The following STAG1 variants were observed in gnomAD, a reference collection of about 807,000 sequenced individuals.
STAG1 encodes STAG1 cohesin complex component, also known as cohesin subunit SA-1.
In STAG1, 26 loss-of-function variants were observed where a neutral mutation model predicts 170.9. The observed-to-expected ratio is 0.15, with a 90% CI of 0.11 to 0.21. The LOEUF (loss-of-function observed/expected upper bound fraction) is 0.21. Among genes scored for constraint, STAG1 ranks in the 10% least tolerant of loss-of-function variants. STAG1 has a pLI of 1.00. For synonymous variants in STAG1, 514 were observed against 497.7 expected (o/e 1.03, Z -0.44); for missense variants, 964 against 1,509.5 (o/e 0.64, Z 5.99).
chr3:136,742,621 A>G (rs1017792924), intron 1 of STAG1, among the ~76,000 whole-genome samples: 3 of 151,928 alleles, frequency 2.0e-5, no homozygotes, highest in African/African-American at 7.3e-5. Context: ...AGACTGAGAC[A>G]GGAGAATCAC....
intron 1 of STAG1, among the ~76,000 whole-genome samples, chr3:136,681,447 G>A (rs555175182): frequency 1.3e-5 from 2 of 152,122 alleles, no homozygotes; most frequent in South Asian, 2.1e-4. Flanking sequence ...AGCCTTGGGG[G>A]AAAAATACAC....
chr3:136,572,601 CAA>C (rs11379268), intron 4 of STAG1, among the ~76,000 whole-genome samples: 4 of 66,678 alleles, frequency 6.0e-5, no homozygotes, highest in East Asian at 8.8e-4. Flanking sequence ...AAGACTGTCT[CAA>C]AAAAAAAAAA....
intron 7 of STAG1, among the ~76,000 whole-genome samples, chr3:136,515,270 C>T (rs1009753614): frequency 6.6e-6 from 1 of 152,188 alleles, no homozygotes; most frequent in East Asian, 1.9e-4. Flanking sequence ...GAGGCTGAGG[C>T]AAGAGAATCA....
chr3:136,619,054 C>T (rs115953473), intron 3 of STAG1, among the ~76,000 whole-genome samples: 218 of 151,900 alleles, frequency 1.4e-3, no homozygotes, highest in African/African-American at 4.9e-3. Context: ...GAGGAGAAGA[C>T]AGAAGCAAAG....
chr3:136,339,840 T>C (rs532627304), intron 32 of STAG1, among the ~76,000 whole-genome samples: 4 of 152,170 alleles, frequency 2.6e-5, no homozygotes, highest in Non-Finnish European at 5.9e-5. Flanking sequence ...ATCTCAAACA[T>C]GTCTTCTCAT....
intron 20 of STAG1, among the ~76,000 whole-genome samples, chr3:136,418,250 C>T (rs1042876049): frequency 1.3e-5 from 2 of 150,962 alleles, no homozygotes; most frequent in Non-Finnish European, 2.9e-5. Flanking sequence ...GTCCCAGCTA[C>T]TCGGGAGGCT....
At chr3:136,572,304 G>GTAAA (rs1327710909) in intron 4 of STAG1, among the ~76,000 whole-genome samples, 2 of 151,906 alleles carry the variant, frequency 1.3e-5, no homozygotes, top group African/African-American at 4.8e-5. Flanking sequence ...TAGTAAAATA[G>GTAAA]TAAACAAGGC....
rs775302430 is a variant in STAG1 at position 136,421,119 on chromosome 3, T to C, written c.2082A>G (p.Thr694=). Residue 694 remains threonine, a synonymous_variant, in exon 20 of 34, where the codon ACA becomes ACG. Coordinates refer to ENST00000383202, the MANE Select transcript of STAG1 (RefSeq NM_005862.3). ...DDDDIYNVLS[T]LKRLTSFHNA... is the part of the protein sequence containing the mutation. Reference sequence around the variant, plus strand: ...TGTGAAAAGAAGTTAACCGCTTTAATGTAGAAAGAACATTGTAAATGTCAT... The same window carrying C: ...TGTGAAAAGAAGTTAACCGCTTTAACGTAGAAAGAACATTGTAAATGTCAT... 1.9e-6 allele frequency: 3 copies of C among 1,606,518 alleles called. No homozygotes were observed. Among genetic ancestry groups the C allele is most frequent in the South Asian group, 2.2e-5 (2 of 89,484 alleles).
At chr3:136,533,108 T>C (rs1228131168) in intron 6 of STAG1, among the ~76,000 whole-genome samples, 9 of 152,106 alleles carry the variant, frequency 5.9e-5, no homozygotes, top group Non-Finnish European at 8.8e-5. Context: ...GGTTTCTATA[T>C]ACCATTAATA....
intron 23 of STAG1, among the ~76,000 whole-genome samples, chr3:136,373,006 A>C (rs1389174339): frequency 6.6e-6 from 1 of 152,150 alleles, no homozygotes. Context: ...TAAGCTATTA[A>C]TTATTGCCTC....
chr3:136,719,677 G>GGGTA (rs1933105895), intron 1 of STAG1, among the ~76,000 whole-genome samples: 1 of 88,730 alleles, frequency 1.1e-5, no homozygotes, highest in Admixed American at 1.5e-4. Context: ...GTGGGTGGGT[G>GGGTA]GGTGGGTGGG....
chr3:136,585,367 G>A (rs71336066), intron 4 of STAG1, among the ~76,000 whole-genome samples: 3 of 152,026 alleles, frequency 2.0e-5, no homozygotes, highest in South Asian at 2.1e-4. Context: ...GTTGGAACCC[G>A]GGAGGCGGAG....
At chr3:136,510,020 T>G (rs979668710) in intron 7 of STAG1, among the ~76,000 whole-genome samples, 20 of 152,328 alleles carry the variant, frequency 1.3e-4, no homozygotes, top group African/African-American at 4.8e-4. Context: ...TGACATAGAT[T>G]TAACAAATCC....
At chr3:136,738,349 G>A (rs1206342751) in intron 1 of STAG1, among the ~76,000 whole-genome samples, 2 of 152,096 alleles carry the variant, frequency 1.3e-5, no homozygotes, top group Non-Finnish European at 2.9e-5. Flanking sequence ...AAATTAGCAG[G>A]GCATGGTGGC....
At chr3:136,531,907 T>TA (rs58322006) in intron 6 of STAG1, among the ~76,000 whole-genome samples, 10,560 of 90,236 alleles carry the variant, frequency 0.12, 401 homozygotes, top group Non-Finnish European at 0.15. Flanking sequence ...ACTTAAAGTA[T>TA]AAAAAAAAAA....
chr3:136,622,025 C>T lies in STAG1; in HGVS notation c.132+1121G>A, dbSNP rs527897433. Among the ~76,000 whole-genome samples the T allele has an allele frequency of 2.1e-4, 29 of 138,812 alleles. No homozygotes were observed. The South Asian group carries it at 5.1e-3, about 24-fold the overall frequency. The allele number at this position is 138,812 out of a possible 152,430, so 91.1% of individuals were successfully genotyped here. A position where few individuals can be genotyped will look rare whatever the true frequency, so the allele number is the denominator to read the frequency against. ...AAAAAAAAAAAAAGAGGGCTGGGTG[C>T]GGTGCCTCAGGCCTGTAATCCCAGC... On this transcript the variant is annotated intron_variant, in intron 3 of 33. Transcript: ENST00000383202.
chr3:136,431,267 C>A (rs2088296329), intron 16 of STAG1, among the ~76,000 whole-genome samples: 1 of 151,474 alleles, frequency 6.6e-6, no homozygotes. Flanking sequence ...TTCCTTATGG[C>A]TTGAAGGACT....
chr3:136,407,658 C>T (rs1002847079), intron 21 of STAG1, among the ~76,000 whole-genome samples: 1 of 151,850 alleles, frequency 6.6e-6, no homozygotes, highest in African/African-American at 2.4e-5. Context: ...GACAGAGTTT[C>T]ATCATGTTGG....
chr3:136,572,944 T>C (rs1937324101), intron 4 of STAG1, among the ~76,000 whole-genome samples: 1 of 152,120 alleles, frequency 6.6e-6, no homozygotes. Context: ...TGGAGGCCAA[T>C]GCGGAAGGAC....
Sources: allele counts gnomAD v4.1 joint callset (sites outside exome capture counted in the v4.1 genomes callset), GRCh38; gene constraint gnomAD v4.1.1; transcripts MANE v1.5; gene names NCBI Gene and HGNC (gene_info 2026-07-23, HGNC 2026-07-21).